Variants in IVNS1ABP observed in about 807,000 individuals in gnomAD.
The protein encoded by IVNS1ABP is influenza virus NS1A binding protein.
In IVNS1ABP, 25 loss-of-function variants were observed where a neutral mutation model predicts 78.9. That is an observed-to-expected ratio of 0.32 (90% CI 0.23 to 0.44). IVNS1ABP has a LOEUF of 0.44. Among genes scored for constraint, IVNS1ABP ranks in the 20% least tolerant of loss-of-function variants. IVNS1ABP has a pLI of 1.00. For synonymous variants in IVNS1ABP, 241 were observed against 259.7 expected, an observed-to-expected ratio of 0.93 and a Z score of 0.69; for missense variants, 494 against 768.9, an observed-to-expected ratio of 0.64 and a Z score of 4.23.
intron 7 of IVNS1ABP, chr1:185,306,585 T>C: frequency 7.9e-7 from 1 of 1,267,362 alleles, no homozygotes; most frequent in African/African-American, 1.6e-5. Context: ...AGGTTTCTTC[T>C]TGTTTCTTCA....
Position 185,301,494 on chromosome 1 carries a change from T to C in IVNS1ABP, c.835A>G (p.Asn279Asp), listed in dbSNP as rs1558115710. 1.2e-6 allele frequency: 2 copies of C among 1,613,254 alleles called. No individual in the cohort carries two copies. Among genetic ancestry groups the C allele is most frequent in the Non-Finnish European group, 1.7e-6 (2 of 1,179,410 alleles). ...SSSTGCLSSPNATVQSPKHEW... is the reference protein window; with the variant it reads ...SSSTGCLSSPDATVQSPKHEW... ...TGCTTAGGGCTTTGTACTGTAGCAT[T>C]TGGAGAAGAGAGACATCCAGTTGAA... Residue 279 changes from asparagine to aspartate, a missense_variant, in exon 9 of 15, where the codon AAT (asparagine) becomes GAT (aspartate). Asn to Asp is a conservative substitution (Grantham distance 23). Transcript: ENST00000367498.
rs115014310 is a variant in IVNS1ABP at position 185,306,315 on chromosome 1, T to C, written c.658-672A>G. ...TTAAGTGGAGAGAGAAACTCAAGGTTACTCCACTGCTCCACCTGCGTGTTT... is the reference window on the plus strand; with the variant it reads ...TTAAGTGGAGAGAGAAACTCAAGGTCACTCCACTGCTCCACCTGCGTGTTT... On this transcript the variant is annotated intron_variant, in intron 7 of 14. Transcript: ENST00000367498. The C allele has an allele frequency of 2.5e-3, 920 of 374,782 alleles. 12 individuals are homozygous for C. The highest frequency in any genetic ancestry group is 0.019 in the African/African-American group (872 of 44,760). 23.2% of individuals were successfully genotyped at this position (374,782 alleles called of 1,614,324 possible). A position where few individuals can be genotyped will look rare whatever the true frequency, so the allele number is the denominator to read the frequency against.
Position 185,309,391 on chromosome 1 carries a change from G to T in IVNS1ABP, c.103C>A (p.Arg35=). The T allele has an allele frequency of 6.3e-7, 1 of 1,581,936 alleles. No individual in the cohort carries two copies. The highest frequency in any genetic ancestry group is 1.2e-5 in the South Asian group (1 of 84,832). ...AATTAAGTTTTAAATACCTGAAGTC[G>T]AACATCACAGAACTGGCCACTTTTC... ...LRKSGQFCDV[R]LQVCGHEMLA... The change falls in exon 3 of 15, where the codon CGA becomes AGA. Residue 35 remains arginine (R), a synonymous_variant. Transcript: ENST00000367498.
At position 185,301,003 on chromosome 1, in the gene IVNS1ABP, T is replaced by C. The variant is rs1404631226; in HGVS notation, c.1089A>G (p.Thr363=). 3.1e-6 allele frequency: 5 copies of C among 1,613,356 alleles called. No homozygotes were observed. In the African/African-American group the frequency reaches 6.7e-5, roughly 22 times the overall value. The change falls in exon 10 of 15, where the codon ACA becomes ACG. Residue 363 remains threonine (T), a synonymous_variant. Transcript: ENST00000367498. ...CTATGAGTTTGCCATTCATCTCTGC[T>C]GTTCCCAGACCAGATCGTGCGTACT... ...PMQYARSGLG[T]AEMNGKLIAA...
Position 185,300,548 on chromosome 1 carries a change from G to C in IVNS1ABP, c.1131C>G (p.Asn377Lys). 6.2e-7 allele frequency: 1 copy of C among 1,612,542 alleles called. No individual in the cohort carries two copies. The highest frequency in any genetic ancestry group is 8.5e-7 in the Non-Finnish European group (1 of 1,179,172). The stretch of plus-strand genomic sequence containing the variant: ...CGACTGTTCGAAGACATTCCTCTCT[G>C]TTATAGCCACCTGGTAAAAAATAAA... ...NGKLIAAGGY[N>K]REECLRTVEC... The change falls in exon 11 of 15, where the codon AAC becomes AAG. Residue 377 changes from asparagine (N) to lysine (K), a missense_variant. Asn to Lys is a moderately conservative substitution (Grantham distance 94). Transcript: ENST00000367498.
At position 185,305,240 on chromosome 1, in the gene IVNS1ABP, G is replaced by A. The variant is rs143687546; in HGVS notation, c.765+296C>T. On this transcript the variant is annotated intron_variant, in intron 8 of 14. Coordinates refer to ENST00000367498, the MANE Select transcript of IVNS1ABP (RefSeq NM_006469.5). This position sits in a 1 kb window ranked among gnomAD's most constrained non-coding sequence, Gnocchi z 4.0. ...TCAGTCATGCCTGACACAAACAACT[G>A]CTTTTCATAATCTTCCCAAATAATT... 6.6e-6 allele frequency among the ~76,000 whole-genome samples: 1 copy of A among 152,060 alleles called. No individual in the cohort carries two copies. The highest frequency in any genetic ancestry group is 1.9e-4 in the East Asian group (1 of 5,180).
chr1:185,311,216 C>T lies in IVNS1ABP; in HGVS notation c.-140G>A, dbSNP rs182451533. The T allele has an allele frequency of 1.5e-3, 611 of 395,962 alleles. 3 individuals carry two copies. Among genetic ancestry groups the T allele is most frequent in the Non-Finnish European group, 1.1e-4 (25 of 224,300 alleles). 24.5% of individuals were successfully genotyped at this position (395,962 alleles called of 1,614,324 possible). On this transcript the variant is annotated 5_prime_UTR_variant, in exon 2 of 15. Coordinates refer to ENST00000367498, the MANE Select transcript of IVNS1ABP (RefSeq NM_006469.5). ...GTGGTTGAAATGAAGGCAGGTGTGT[C>T]TTAAGCTCTAATGGTGATTCCAAAA...
chr1:185,298,929 TTTC>T lies in IVNS1ABP; in HGVS notation c.1676-644_1676-642del, dbSNP rs1665494811. 6.6e-6 allele frequency: 1 copy of T among 152,184 alleles called. No homozygotes were observed. The highest frequency in any genetic ancestry group is 2.4e-5 in the African/African-American group (1 of 41,408). 9.4% of individuals were successfully genotyped at this position (152,184 alleles called of 1,614,324 possible). Reference sequence around the variant, plus strand: ...AAATAAAATGATTGTGGTACAGAAATTTCTTCTGGAAACAGAGTTATGATTATT... The same window carrying T: ...AAATAAAATGATTGTGGTACAGAAATTTCTGGAAACAGAGTTATGATTATT... On this transcript the variant is annotated intron_variant, in intron 14 of 14. Transcript: ENST00000367498. The surrounding 1 kb of genome is among the most constrained non-coding windows in gnomAD (Gnocchi z 4.1).
chr1:185,299,724 A>G lies in IVNS1ABP; in HGVS notation c.1661T>C (p.Val554Ala). 6.2e-7 allele frequency: 1 copy of G among 1,613,542 alleles called. No homozygotes were observed. Among genetic ancestry groups the G allele is most frequent in the Non-Finnish European group, 8.5e-7 (1 of 1,179,698 alleles). ...PMNVARRGAG[V>A]AVLNGKLFVC... ...CCAACACTCACCATTAAGAACAGCC[A>G]CTCCAGCTCCTCGCCTAGCCACATT... Residue 554 changes from valine to alanine, a missense_variant, in exon 14 of 15, where the codon GTG (valine) becomes GCG (alanine). By Grantham distance (64) the Val-to-Ala change is moderately conservative. Transcript: ENST00000367498.
chr1:185,301,160 A>G lies in IVNS1ABP; in HGVS notation c.932T>C (p.Ile311Thr). The G allele has an allele frequency of 6.2e-7, 1 of 1,613,492 alleles. No individual in the cohort carries two copies. The highest frequency in any genetic ancestry group is 1.3e-5 in the African/African-American group (1 of 75,002). The change falls in exon 10 of 15, where the codon ATA (isoleucine) becomes ACA (threonine). Residue 311 changes from isoleucine (I) to threonine (T), a missense_variant. By Grantham distance (89) the Ile-to-Thr change is moderately conservative. Coordinates refer to ENST00000367498, the MANE Select transcript of IVNS1ABP (RefSeq NM_006469.5). ...TYLCLAVLDG[I>T]FCVIFLHGRN... is the part of the protein sequence containing the mutation. ...CCCATGAAGAAAAATGACACAGAAT[A>G]TACCATCCAGCACAGCCAGGCACAA... is the stretch of plus-strand genomic sequence containing the variant.
intron 2 of IVNS1ABP, 21 bp from the exon 3 acceptor site, chr1:185,309,532 TGA>T (rs762371653): frequency 1.6e-6 from 2 of 1,215,100 alleles, no homozygotes; most frequent in Non-Finnish European, 2.4e-6. Context: ...AAAAGAAAGC[TGA>T]GTTATTTTAC....
At position 185,296,614 on chromosome 1, in the gene IVNS1ABP, A is replaced by G. The variant is rs965501290; in HGVS notation, c.*1421T>C. On this transcript the variant is annotated 3_prime_UTR_variant, in exon 15 of 15. Coordinates refer to ENST00000367498, the MANE Select transcript of IVNS1ABP (RefSeq NM_006469.5). ...GATGAGAGAAATAAAGTGGCAGAGTACCAGTGAACATTTGGAGAAAATACC... is the reference window on the plus strand; with the variant it reads ...GATGAGAGAAATAAAGTGGCAGAGTGCCAGTGAACATTTGGAGAAAATACC... 5 of 152,136 alleles carry G rather than the reference A, an allele frequency of 3.3e-5. No individual in the cohort carries two copies. Among genetic ancestry groups the G allele is most frequent in the Non-Finnish European group, 7.4e-5 (5 of 68,014 alleles). The allele number at this position is 152,136 out of a possible 1,614,324, so 9.4% of individuals were successfully genotyped here.
At chr1:185,306,186 T>C (rs956280827) in intron 7 of IVNS1ABP, 5 of 174,052 alleles carry the variant, frequency 2.9e-5, no homozygotes, top group African/African-American at 9.6e-5. Context: ...GTGGGAATCA[T>C]AGAATTTAAA....
intron 1 of IVNS1ABP, among the ~76,000 whole-genome samples, chr1:185,316,625 G>T (rs941115852): frequency 1.3e-5 from 2 of 152,116 alleles, no homozygotes; most frequent in East Asian, 3.9e-4. Flanking sequence ...AAAACCCTTC[G>T]AACAAAAAAC....
intron 1 of IVNS1ABP, among the ~76,000 whole-genome samples, chr1:185,313,125 T>C (rs1485058115): frequency 6.6e-6 from 1 of 152,202 alleles, no homozygotes; most frequent in Non-Finnish European, 1.5e-5. Flanking sequence ...ATGATCTACC[T>C]AAAATTTATT....
chr1:185,298,309 G>A lies in IVNS1ABP; in HGVS notation c.1676-21C>T, dbSNP rs748966788. ...TTTTCCTAAAAGAGAAATGAGATGG[G>A]GTAAATCCAGAGATTAAAGTGTAAT... On this transcript the variant is annotated intron_variant, in intron 14 of 14. Coordinates refer to ENST00000367498, the MANE Select transcript of IVNS1ABP (RefSeq NM_006469.5). The surrounding 1 kb of genome is among the most constrained non-coding windows in gnomAD (Gnocchi z 4.1). The A allele has an allele frequency of 1.2e-6, 2 of 1,606,578 alleles. No homozygotes were observed. Among genetic ancestry groups the A allele is most frequent in the South Asian group, 1.1e-5 (1 of 90,546 alleles).
At chr1:185,316,701 C>T (rs1377964559) in intron 1 of IVNS1ABP, among the ~76,000 whole-genome samples, 1 of 152,198 alleles carries the variant, frequency 6.6e-6, no homozygotes, top group African/African-American at 2.4e-5. Flanking sequence ...TCCGCGCTCT[C>T]CGAGGCGACC....
rs1306531095 is a variant in IVNS1ABP at position 185,297,817 on chromosome 1, A to G, written c.*218T>C. On this transcript the variant is annotated 3_prime_UTR_variant, in exon 15 of 15. Coordinates refer to ENST00000367498, the MANE Select transcript of IVNS1ABP (RefSeq NM_006469.5). Reference sequence around the variant, plus strand: ...TTCTTTTCCAAAAAGTAAAATAACCAAAGTCTTAAAAGTACACAAAACAGA... The same window carrying G: ...TTCTTTTCCAAAAAGTAAAATAACCGAAGTCTTAAAAGTACACAAAACAGA... 9.6e-6 allele frequency: 5 copies of G among 519,918 alleles called. No individual in the cohort carries two copies. The highest frequency in any genetic ancestry group is 3.1e-5 in the East Asian group (1 of 32,782). The allele number at this position is 519,918 out of a possible 1,614,324, so 32.2% of individuals were successfully genotyped here. A position where few individuals can be genotyped will look rare whatever the true frequency, so the allele number is the denominator to read the frequency against.
intron 1 of IVNS1ABP, among the ~76,000 whole-genome samples, chr1:185,312,931 TTAAAA>T (rs1229953832): frequency 3.3e-5 from 5 of 152,178 alleles, no homozygotes; most frequent in Non-Finnish European, 5.9e-5. Context: ...TAAGCTGCTC[TTAAAA>T]TAAGAGGAAG....
Sources: allele counts gnomAD v4.1 joint callset (sites outside exome capture counted in the v4.1 genomes callset), GRCh38; gene constraint gnomAD v4.1.1; non-coding constraint Gnocchi (gnomAD v3.1); transcripts MANE v1.5; gene names NCBI Gene and HGNC (gene_info 2026-07-23, HGNC 2026-07-21).